Variants in ST8SIA1 observed in about 807,000 individuals in gnomAD.
ST8SIA1 encodes the protein alpha-N-acetylneuraminide alpha-2,8-sialyltransferase.
A neutral mutation model predicts 35.9 loss-of-function variants in ST8SIA1; 16 were observed. The ratio of observed to expected loss-of-function variants is 0.45; its 90% confidence interval spans 0.30 to 0.68. The LOEUF is 0.68. ST8SIA1 is among the 30% of genes least tolerant of loss of function. The pLI is 0.09. For synonymous variants in ST8SIA1, 170 were observed against 169.6 expected (o/e 1.00, Z -0.02); for missense variants, 383 against 453.6 (o/e 0.84, Z 1.41).
chr12:22,320,947 A>G (rs1228684214), intron 1 of ST8SIA1, among the ~76,000 whole-genome samples: 3 of 63,074 alleles, frequency 4.8e-5, no homozygotes, highest in African/African-American at 2.2e-4. Context: ...GAAAGAAAGA[A>G]AGAAAGAAAG....
At position 22,197,438 on chromosome 12, in the gene ST8SIA1, A is replaced by G. The variant is rs1865002452; in HGVS notation, c.*4114T>C. Reference sequence around the variant, plus strand: ...AGGTCCCTCCTAACAAGTATTTGTCAGTGAAAAATTTCACAAAGTCAATAT... The same window carrying G: ...AGGTCCCTCCTAACAAGTATTTGTCGGTGAAAAATTTCACAAAGTCAATAT... On this transcript the variant is annotated 3_prime_UTR_variant, in exon 5 of 5. Coordinates refer to ENST00000396037, the MANE Select transcript of ST8SIA1 (RefSeq NM_003034.4). 4.6e-5 allele frequency: 7 copies of G among 152,222 alleles called. No homozygotes were observed. Among genetic ancestry groups the G allele is most frequent in the Admixed American group, 4.6e-4 (7 of 15,276 alleles). The allele number at this position is 152,222 out of a possible 1,614,324, so 9.4% of individuals were successfully genotyped here.
chr12:22,294,663 C>T (rs1866221445), intron 1 of ST8SIA1, among the ~76,000 whole-genome samples: 1 of 152,092 alleles, frequency 6.6e-6, no homozygotes. Context: ...CAAAGAAAGG[C>T]AGATTAGTGC....
Position 22,199,703 on chromosome 12 carries a change from A to G in ST8SIA1, c.*1849T>C, listed in dbSNP as rs1442623636. 6.6e-6 allele frequency: 1 copy of G among 152,206 alleles called. No homozygotes were observed. Among genetic ancestry groups the G allele is most frequent in the Non-Finnish European group, 1.5e-5 (1 of 68,038 alleles). 9.4% of individuals were successfully genotyped at this position (152,206 alleles called of 1,614,324 possible). On this transcript the variant is annotated 3_prime_UTR_variant, in exon 5 of 5. Transcript: ENST00000396037. The stretch of plus-strand genomic sequence containing the variant: ...TTGCATTTAGAAATGGTCTACTTCA[A>G]TGATGTAGAATTTTGCCAAGGGCTT...
intron 4 of ST8SIA1, among the ~76,000 whole-genome samples, chr12:22,243,943 A>G (rs950766619): frequency 2.6e-5 from 4 of 152,066 alleles, no homozygotes; most frequent in Non-Finnish European, 5.9e-5. Flanking sequence ...AAGCAGGAGA[A>G]TCTCTTGAAC....
At chr12:22,246,375 G>A (rs546217180) in intron 4 of ST8SIA1, among the ~76,000 whole-genome samples, 9 of 152,286 alleles carry the variant, frequency 5.9e-5, no homozygotes, top group African/African-American at 2.2e-4. Flanking sequence ...CTCCTTGTGC[G>A]ACACATGGAT....
chr12:22,233,614 G>A (rs1311701226), intron 4 of ST8SIA1, among the ~76,000 whole-genome samples: 1 of 151,700 alleles, frequency 6.6e-6, no homozygotes, highest in African/African-American at 2.4e-5. Context: ...AAGCTGCGAT[G>A]CCAACCATAA....
chr12:22,211,974 G>C (rs538185345), intron 4 of ST8SIA1, among the ~76,000 whole-genome samples: 1 of 152,262 alleles, frequency 6.6e-6, no homozygotes, highest in African/African-American at 2.4e-5. Flanking sequence ...GCCTCCCAAA[G>C]TACTGGGATT....
intron 1 of ST8SIA1, among the ~76,000 whole-genome samples, chr12:22,317,543 T>A (rs1341578606): frequency 6.6e-6 from 1 of 152,214 alleles, no homozygotes; most frequent in East Asian, 1.9e-4. Context: ...AGTTCCTCAC[T>A]GGCTATCAAC....
chr12:22,256,176 C>T (rs1263899840), intron 2 of ST8SIA1, among the ~76,000 whole-genome samples: 2 of 152,198 alleles, frequency 1.3e-5, no homozygotes, highest in Non-Finnish European at 2.9e-5. Flanking sequence ...CAAATGAACA[C>T]TCTGGGTGGG....
intron 2 of ST8SIA1, among the ~76,000 whole-genome samples, chr12:22,257,230 T>C (rs1455445659): frequency 6.6e-6 from 1 of 152,008 alleles, no homozygotes; most frequent in Non-Finnish European, 1.5e-5. Flanking sequence ...TTATTTTCTT[T>C]TGAGACAGTC....
intron 4 of ST8SIA1, among the ~76,000 whole-genome samples, chr12:22,228,171 T>C (rs1865379388): frequency 1.3e-5 from 2 of 152,240 alleles, no homozygotes; most frequent in African/African-American, 2.4e-5. Context: ...AGAAAGGGCA[T>C]GGCCCTAGCC....
intron 1 of ST8SIA1, among the ~76,000 whole-genome samples, chr12:22,317,274 T>G (rs1866533058): frequency 6.6e-6 from 1 of 152,186 alleles, no homozygotes; most frequent in Non-Finnish European, 1.5e-5. Flanking sequence ...TAAAAACAAT[T>G]TATTACGTGA....
intron 2 of ST8SIA1, among the ~76,000 whole-genome samples, chr12:22,261,231 G>C (rs1406039644): frequency 6.6e-6 from 1 of 152,014 alleles, no homozygotes; most frequent in African/African-American, 2.4e-5. Flanking sequence ...TGCAACCTGA[G>C]CCTCCTGGGT....
At chr12:22,202,119 G>T (rs1209814889) in intron 4 of ST8SIA1, 81 bp from the exon 5 acceptor site, 1 of 1,275,536 alleles carries the variant, frequency 7.8e-7, no homozygotes, top group Non-Finnish European at 1.1e-6. Flanking sequence ...TCTTCTGGTG[G>T]CCCTGATACC....
At chr12:22,317,163 C>A (rs1236389956) in intron 1 of ST8SIA1, among the ~76,000 whole-genome samples, 1 of 152,138 alleles carries the variant, frequency 6.6e-6, no homozygotes, top group East Asian at 1.9e-4. Context: ...AATCATTTTA[C>A]ATTTTATCTA....
intron 1 of ST8SIA1, among the ~76,000 whole-genome samples, chr12:22,315,935 C>T (rs1396748676): frequency 1.3e-5 from 2 of 152,050 alleles, no homozygotes; most frequent in Non-Finnish European, 2.9e-5. Context: ...CACACGTTTA[C>T]CTGTGTAACA....
intron 1 of ST8SIA1, among the ~76,000 whole-genome samples, chr12:22,304,998 T>G (rs1441981778): frequency 6.6e-6 from 1 of 152,226 alleles, no homozygotes. Context: ...TCCTTCAATA[T>G]GCAGATTTAG....
chr12:22,289,455 T>G (rs1396049256), intron 1 of ST8SIA1, among the ~76,000 whole-genome samples: 3 of 152,062 alleles, frequency 2.0e-5, no homozygotes, highest in Non-Finnish European at 1.5e-5. Flanking sequence ...CCATTTTGAT[T>G]CATTTGTATC....
intron 1 of ST8SIA1, among the ~76,000 whole-genome samples, chr12:22,309,466 A>C (rs1378467121): frequency 6.6e-6 from 1 of 152,164 alleles, no homozygotes; most frequent in African/African-American, 2.4e-5. Flanking sequence ...AGATCATGCT[A>C]ACACCACTGC....
Sources: allele counts gnomAD v4.1 joint callset (sites outside exome capture counted in the v4.1 genomes callset), GRCh38; gene constraint gnomAD v4.1.1; transcripts MANE v1.5; gene names NCBI Gene and HGNC (gene_info 2026-07-23, HGNC 2026-07-21).